Variants in SYNPR observed in about 807,000 individuals in gnomAD.
SYNPR encodes synaptoporin.
A neutral mutation model predicts 32.9 loss-of-function variants in SYNPR; 23 were observed. The ratio of observed to expected loss-of-function variants is 0.70; its 90% CI spans 0.50 to 0.99. SYNPR has a LOEUF of 0.99. SYNPR is among the 50% of genes least tolerant of loss of function. The pLI is 0.00. For synonymous variants in SYNPR, 146 were observed against 135.9 expected, an observed-to-expected ratio of 1.07 and a Z score of -0.52; for missense variants, 318 against 349.3, an observed-to-expected ratio of 0.91 and a Z score of 0.71.
chr3:63,321,773 C>T (rs761682638), intron 2 of SYNPR, among the ~76,000 whole-genome samples: 3 of 152,034 alleles, frequency 2.0e-5, no homozygotes, highest in Non-Finnish European at 4.4e-5. Context: ...AAACACCTCT[C>T]CACATGAGTA....
intron 1 of SYNPR, among the ~76,000 whole-genome samples, chr3:63,231,694 T>G (rs1575570946): frequency 6.6e-6 from 1 of 152,130 alleles, no homozygotes; most frequent in African/African-American, 2.4e-5. Context: ...AAAAGGCCAT[T>G]TTTTTAAATT....
intron 2 of SYNPR, among the ~76,000 whole-genome samples, chr3:63,460,163 G>C (rs767232227): frequency 6.6e-6 from 1 of 152,070 alleles, no homozygotes; most frequent in Non-Finnish European, 1.5e-5. Flanking sequence ...TTGCATTGCT[G>C]TTAGATTAAA....
intron 2 of SYNPR, among the ~76,000 whole-genome samples, chr3:63,461,027 G>A (rs571356443): frequency 1.5e-3 from 226 of 152,174 alleles, no homozygotes; most frequent in Non-Finnish European, 2.5e-3. Context: ...AGACATGCAG[G>A]ATGACTCTCA....
chr3:63,459,813 A>G (rs574940343), intron 2 of SYNPR, among the ~76,000 whole-genome samples: 227 of 152,174 alleles, frequency 1.5e-3, no homozygotes, highest in Non-Finnish European at 2.8e-3. Context: ...GTCTCTTAAT[A>G]CTGACAAAAC....
Position 63,615,173 on chromosome 3 carries a change from T to C in SYNPR, c.601-51T>C, listed in dbSNP as rs1359253863. ...AGGATTTTTCCAAAATTGAAATTTT[T>C]CTTGGGTTTTTGTCTAGTCTATCAA... On this transcript the variant is annotated intron_variant, in intron 5 of 5. Coordinates refer to ENST00000478300, the MANE Select transcript of SYNPR (RefSeq NM_001130003.2). 5 of 1,570,016 alleles carry C rather than the reference T, an allele frequency of 3.2e-6. No individual in the cohort carries two copies. The African/African-American group carries it at 4.1e-5, about 13-fold the overall frequency.
chr3:63,611,420 G>T (rs1456255866), intron 5 of SYNPR, among the ~76,000 whole-genome samples: 1 of 152,146 alleles, frequency 6.6e-6, no homozygotes, highest in African/African-American at 2.4e-5. Context: ...CAGGGGAAAG[G>T]ACATTAATGA....
rs1301320086 is a variant in SYNPR, at chr3:63,564,404, C to T, written c.408+7663C>T. Among the ~76,000 whole-genome samples, 4 of 151,654 alleles carry T rather than the reference C, an allele frequency of 2.6e-5. No individual in the cohort carries two copies. In the East Asian group the frequency reaches 7.8e-4, roughly 30 times the overall value. ...TAGAGACGGGGTTTCACCATGTTGG[C>T]CAGGCTGGTCCCAAACTCCTGACCT... On this transcript the variant is annotated intron_variant, in intron 4 of 5. Coordinates refer to ENST00000478300, the MANE Select transcript of SYNPR (RefSeq NM_001130003.2).
At chr3:63,575,645 A>G (rs756597076) in intron 4 of SYNPR, among the ~76,000 whole-genome samples, 1 of 152,202 alleles carries the variant, frequency 6.6e-6, no homozygotes, top group Non-Finnish European at 1.5e-5. Flanking sequence ...AGTTTACTCA[A>G]AGGAAATTTA....
chr3:63,422,265 A>C (rs959267476), intron 2 of SYNPR, among the ~76,000 whole-genome samples: 1 of 152,178 alleles, frequency 6.6e-6, no homozygotes, highest in Non-Finnish European at 1.5e-5. Flanking sequence ...CTACATTGCT[A>C]TGTGTTCTCC....
chr3:63,214,126 AT>A, the SYNPR span, among the ~76,000 whole-genome samples: 1 of 41,334 alleles, frequency 2.4e-5, no homozygotes, highest in African/African-American at 7.9e-5. Context: ...TTTATTGAGG[AT>A]TTTTGCATCA....
At chr3:63,356,877 G>C (rs2107027277) in intron 2 of SYNPR, among the ~76,000 whole-genome samples, 1 of 152,338 alleles carries the variant, frequency 6.6e-6, no homozygotes, top group East Asian at 1.9e-4. Flanking sequence ...CAAATCTGAA[G>C]TCCAGTATTA....
intron 4 of SYNPR, among the ~76,000 whole-genome samples, chr3:63,592,031 A>G (rs1393560265): frequency 6.6e-6 from 1 of 151,994 alleles, no homozygotes; most frequent in Admixed American, 6.6e-5. Context: ...TCATAATGAG[A>G]TCAAGCTGTA....
At chr3:63,243,217 C>T (rs2086261398) in intron 1 of SYNPR, among the ~76,000 whole-genome samples, 1 of 151,852 alleles carries the variant, frequency 6.6e-6, no homozygotes, top group Non-Finnish European at 1.5e-5. Context: ...TCAAGGAGCA[C>T]CCTAAACTCT....
intron 1 of SYNPR, among the ~76,000 whole-genome samples, chr3:63,234,209 T>G (rs951005362): frequency 6.6e-6 from 1 of 152,144 alleles, no homozygotes; most frequent in African/African-American, 2.4e-5. Flanking sequence ...AGAGAGCTTG[T>G]GAATGGGAAC....
intron 2 of SYNPR, among the ~76,000 whole-genome samples, chr3:63,435,403 C>A (rs1700064205): frequency 6.6e-6 from 1 of 152,194 alleles, no homozygotes; most frequent in South Asian, 2.1e-4. Context: ...TAGAAAGGTC[C>A]ATGGTAGGAA....
Position 63,609,188 on chromosome 3 carries a change from G to A in SYNPR, c.472G>A (p.Gly158Arg), listed in dbSNP as rs1002535187. ...WLVGSSAWAK[G>R]LSDVKVATDP... ...GGTGGGTTCATCAGCTTGGGCAAAA[G>A]GACTGTCTGACGTCAAAGTTGCAAC... is the stretch of plus-strand genomic sequence containing the variant. Residue 158 changes from glycine (G) to arginine (R), a missense_variant, in exon 5 of 6, where the codon GGA (glycine) becomes AGA (arginine). Gly to Arg is a moderately radical substitution (Grantham distance 125, BLOSUM62 -2). Transcript: ENST00000478300. 1.6e-5 allele frequency: 25 copies of A among 1,611,324 alleles called. No individual in the cohort carries two copies. Among genetic ancestry groups the A allele is most frequent in the Non-Finnish European group, 2.1e-5 (25 of 1,178,750 alleles).
intron 4 of SYNPR, among the ~76,000 whole-genome samples, chr3:63,604,968 TC>T (rs1357824290): frequency 6.6e-6 from 1 of 152,206 alleles, no homozygotes; most frequent in Non-Finnish European, 1.5e-5. Context: ...GTTATATACA[TC>T]AATATATTTT....
chr3:63,486,738 A>G (rs1701162698), intron 3 of SYNPR, among the ~76,000 whole-genome samples: 1 of 152,222 alleles, frequency 6.6e-6, no homozygotes, highest in Admixed American at 6.5e-5. Flanking sequence ...AGTATTACTC[A>G]TTCAAAAACA....
intron 2 of SYNPR, among the ~76,000 whole-genome samples, chr3:63,257,295 A>C (rs538660645): frequency 4.1e-4 from 63 of 152,138 alleles, no homozygotes; most frequent in Admixed American, 1.2e-3. Flanking sequence ...AATGAAGGAA[A>C]AAATGTTAAG....
Sources: allele counts gnomAD v4.1 joint callset (sites outside exome capture counted in the v4.1 genomes callset), GRCh38; gene constraint gnomAD v4.1.1; transcripts MANE v1.5; gene names NCBI Gene and HGNC (gene_info 2026-07-23, HGNC 2026-07-21).